The following KCNH1 variants were observed in gnomAD, a reference collection of about 807,000 sequenced individuals.
KCNH1 encodes the protein potassium voltage-gated channel subfamily H member 1, also known as voltage-gated delayed rectifier potassium channel KCNH1.
A neutral mutation model predicts 69.2 loss-of-function variants in KCNH1; 27 were observed. That is an observed-to-expected ratio of 0.39 (90% CI 0.29 to 0.54). KCNH1 has a LOEUF of 0.54. Among genes scored for constraint, KCNH1 ranks in the 20% least tolerant of loss-of-function variants. KCNH1 has a pLI of 0.68. For missense variants in KCNH1, 798 were observed against 1,261.6 expected (o/e 0.63, Z 5.57); for synonymous variants, 456 against 487.7 (o/e 0.93, Z 0.86).
At chr1:210,875,199 C>A (rs904167047) in intron 7 of KCNH1, among the ~76,000 whole-genome samples, 12 of 152,116 alleles carry the variant, frequency 7.9e-5, no homozygotes, top group Non-Finnish European at 1.8e-4. Context: ...ATGCTTTAAT[C>A]CGGAAAGAAT....
chr1:210,987,738 G>A (rs553761162), intron 6 of KCNH1, among the ~76,000 whole-genome samples: 69 of 152,284 alleles, frequency 4.5e-4, no homozygotes, highest in Non-Finnish European at 5.7e-4. Context: ...TCAGTGACCC[G>A]CTTGAGGAGG....
chr1:210,814,791 A>T (rs993785507), intron 7 of KCNH1, among the ~76,000 whole-genome samples: 1 of 152,186 alleles, frequency 6.6e-6, no homozygotes, highest in Non-Finnish European at 1.5e-5. Context: ...ATATTTTTCC[A>T]TCAATCATCT....
At chr1:210,811,677 CT>C (rs1684707260) in intron 7 of KCNH1, among the ~76,000 whole-genome samples, 1 of 152,132 alleles carries the variant, frequency 6.6e-6, no homozygotes, top group African/African-American at 2.4e-5. Flanking sequence ...GAATTACTGG[CT>C]TTGGCCCGAT....
At chr1:210,738,325 T>C (rs1682928109) in intron 10 of KCNH1, among the ~76,000 whole-genome samples, 1 of 152,218 alleles carries the variant, frequency 6.6e-6, no homozygotes, top group South Asian at 2.1e-4. Context: ...TTCACTGATG[T>C]ATCTCTGATA....
In KCNH1 at chr1:210,804,130, G is replaced by C; in HGVS notation, c.1499C>G (p.Thr500Ser). 6.2e-7 allele frequency: 1 copy of C among 1,613,964 alleles called. No individual in the cohort carries two copies. The highest frequency in any genetic ancestry group is 8.5e-7 in the Non-Finnish European group (1 of 1,179,908). The change falls in exon 8 of 11, where the codon ACT becomes AGT. Residue 500 changes from threonine (T) to serine (S), a missense_variant. Physicochemically the swap from Thr to Ser is moderately conservative, Grantham distance 58. Coordinates refer to ENST00000271751, the MANE Select transcript of KCNH1 (RefSeq NM_172362.3). Reference sequence around the variant, plus strand: ...GTTGGCATACATCTGTTGGAAAATAGTCGTCACATTCCCGAAGATGGTGGC... The same window carrying C: ...GTTGGCATACATCTGTTGGAAAATACTCGTCACATTCCCGAAGATGGTGGC... ...LYATIFGNVT[T>S]IFQQMYANTN...
At chr1:210,923,740 A>AT (rs1195958894) in intron 6 of KCNH1, among the ~76,000 whole-genome samples, 2 of 152,178 alleles carry the variant, frequency 1.3e-5, no homozygotes, top group African/African-American at 4.8e-5. Context: ...TCCTGCACCT[A>AT]TTTCCCCAAC....
At chr1:210,973,554 G>T (rs1162306416) in intron 6 of KCNH1, among the ~76,000 whole-genome samples, 1 of 151,854 alleles carries the variant, frequency 6.6e-6, no homozygotes, top group Non-Finnish European at 1.5e-5. Flanking sequence ...TTTATTTTGT[G>T]GCAAGAGTAA....
intron 6 of KCNH1, among the ~76,000 whole-genome samples, chr1:211,014,938 A>AG (rs2102410790): frequency 6.6e-6 from 1 of 152,232 alleles, no homozygotes; most frequent in East Asian, 1.9e-4. Flanking sequence ...TCTCCAACCC[A>AG]GGGGGTTTTC....
At chr1:210,952,534 C>G (rs1396034073) in intron 6 of KCNH1, among the ~76,000 whole-genome samples, 1 of 152,160 alleles carries the variant, frequency 6.6e-6, no homozygotes, top group African/African-American at 2.4e-5. Flanking sequence ...ACATACAGAG[C>G]TCTGAGCTAG....
At chr1:210,843,726 G>T (rs1305352850) in intron 7 of KCNH1, among the ~76,000 whole-genome samples, 2 of 152,178 alleles carry the variant, frequency 1.3e-5, no homozygotes, top group African/African-American at 4.8e-5. Flanking sequence ...ACTGTCAGAG[G>T]TTGAGGGCAA....
At chr1:210,801,203 G>C (rs12122593) in intron 8 of KCNH1, among the ~76,000 whole-genome samples, 26,213 of 152,198 alleles carry the variant, frequency 0.17, 2,410 homozygotes, top group African/African-American at 0.23. Context: ...ATAAAAACAG[G>C]CTTGGAGAGA....
At chr1:210,941,268 A>G (rs1687871036) in intron 6 of KCNH1, among the ~76,000 whole-genome samples, 1 of 152,176 alleles carries the variant, frequency 6.6e-6, no homozygotes, top group Non-Finnish European at 1.5e-5. Flanking sequence ...CATTCCCCCC[A>G]CAAACATAAT....
intron 3 of KCNH1, among the ~76,000 whole-genome samples, chr1:211,100,731 G>C (rs539049608): frequency 6.6e-6 from 1 of 152,214 alleles, no homozygotes; most frequent in Non-Finnish European, 1.5e-5. Flanking sequence ...CTGGGTGCAA[G>C]GGGTAGAGCT....
intron 5 of KCNH1, among the ~76,000 whole-genome samples, chr1:211,079,784 C>T (rs1178668347): frequency 6.6e-6 from 1 of 152,168 alleles, no homozygotes; most frequent in Non-Finnish European, 1.5e-5. Flanking sequence ...ATGCTAAAAA[C>T]TCTCAGTAAA....
At chr1:210,860,395 G>T (rs775747500) in intron 7 of KCNH1, 27 of 1,347,404 alleles carry the variant, frequency 2.0e-5, no homozygotes, top group African/African-American at 2.9e-5. Flanking sequence ...AAGCTGTTGG[G>T]TTATCTCTTT....
chr1:210,834,934 A>G (rs1318879321), intron 7 of KCNH1, among the ~76,000 whole-genome samples: 1 of 152,112 alleles, frequency 6.6e-6, no homozygotes, highest in African/African-American at 2.4e-5. Flanking sequence ...ATTGTTTGCT[A>G]TAGTAAACTA....
intron 5 of KCNH1, among the ~76,000 whole-genome samples, chr1:211,022,595 T>A (rs536074310): frequency 2.0e-5 from 3 of 152,222 alleles, no homozygotes; most frequent in African/African-American, 7.2e-5. Flanking sequence ...GATTAATATC[T>A]AGAATATACA....
chr1:211,089,994 C>T (rs368474778), intron 4 of KCNH1, among the ~76,000 whole-genome samples: 6 of 152,154 alleles, frequency 3.9e-5, no homozygotes, highest in East Asian at 3.8e-4. Flanking sequence ...ATGGCTGAGG[C>T]GAGTGCTAAA....
At chr1:211,033,083 C>T (rs931074268) in intron 5 of KCNH1, among the ~76,000 whole-genome samples, 6 of 152,138 alleles carry the variant, frequency 3.9e-5, no homozygotes, top group African/African-American at 1.4e-4. Flanking sequence ...CAAACAACCC[C>T]ATCAAAAAGT....
Sources: allele counts gnomAD v4.1 joint callset (sites outside exome capture counted in the v4.1 genomes callset), GRCh38; gene constraint gnomAD v4.1.1; transcripts MANE v1.5; gene names NCBI Gene and HGNC (gene_info 2026-07-23, HGNC 2026-07-21).